Variants in PTPRA observed in about 807,000 individuals in gnomAD.
The protein encoded by PTPRA is receptor-type tyrosine-protein phosphatase alpha.
In PTPRA, 25 loss-of-function variants were observed where a neutral mutation model predicts 104.8. The observed-to-expected ratio is 0.24, with a 90% confidence interval of 0.17 to 0.33. The LOEUF is 0.33. PTPRA is among the 10% of genes least tolerant of loss of function. The pLI, the probability that PTPRA is intolerant of heterozygous loss-of-function variation, is 1.00. For synonymous variants in PTPRA, 323 were observed against 368.9 expected, an observed-to-expected ratio of 0.88 and a Z score of 1.43; for missense variants, 765 against 1,015.3, an observed-to-expected ratio of 0.75 and a Z score of 3.35.
chr20:2,953,400 C>T (rs529935033), intron 3 of PTPRA, among the ~76,000 whole-genome samples: 5 of 151,746 alleles, frequency 3.3e-5, no homozygotes, highest in Non-Finnish European at 5.9e-5. Context: ...ACTACAGGCG[C>T]GCGTTACCAC....
intron 3 of PTPRA, among the ~76,000 whole-genome samples, chr20:2,952,537 TA>T (rs920130290): frequency 1.3e-5 from 2 of 152,052 alleles, no homozygotes; most frequent in Non-Finnish European, 2.9e-5. Flanking sequence ...TCATGTCTTT[TA>T]AAAAAAATTG....
At chr20:3,003,279 G>A (rs1301678495) in intron 9 of PTPRA, among the ~76,000 whole-genome samples, 1 of 152,124 alleles carries the variant, frequency 6.6e-6, no homozygotes, top group Non-Finnish European at 1.5e-5. Flanking sequence ...ATATATATTT[G>A]TTGAAAGAAT....
Position 2,974,488 on chromosome 20 carries a change from A to G in PTPRA, c.416-727A>G, listed in dbSNP as rs376666386. On this transcript the variant is annotated intron_variant, in intron 5 of 23. Coordinates refer to ENST00000399903, the MANE Select transcript of PTPRA (RefSeq NM_001385305.1). The stretch of plus-strand genomic sequence containing the variant: ...GTTACCTAGGCTGGAGTACAGTGGC[A>G]TGATCTCGGCTCACTGCAACCTCCC... Among the ~76,000 whole-genome samples, 24 of 151,320 alleles carry G rather than the reference A, an allele frequency of 1.6e-4. No homozygotes were observed. The East Asian group carries it at 1.8e-3, about 11-fold the overall frequency.
chr20:3,027,168 A>G lies in PTPRA; in HGVS notation c.1756A>G (p.Thr586Ala). The change falls in exon 19 of 24, where the codon ACA becomes GCA. Residue 586 changes from threonine to alanine, a missense_variant. Transcript: ENST00000399903. Reference protein sequence around the residue: ...IIPVKRGEENTDYVNASFIDG... With the variant: ...IIPVKRGEENADYVNASFIDG... ...TCCAGTTAAGCGGGGCGAAGAGAAT[A>G]CAGACTATGTGAACGCATCCTTTAT... 6.2e-7 allele frequency: 1 copy of G among 1,614,196 alleles called. No individual in the cohort carries two copies. Among genetic ancestry groups the G allele is most frequent in the Non-Finnish European group, 8.5e-7 (1 of 1,180,012 alleles).
chr20:2,929,612 C>T (rs1568657723), intron 2 of PTPRA, among the ~76,000 whole-genome samples: 1 of 152,056 alleles, frequency 6.6e-6, no homozygotes, highest in Non-Finnish European at 1.5e-5. Context: ...ATTGCTTGAG[C>T]TCAGGAGTTT....
chr20:2,959,166 C>T (rs1278012055), intron 3 of PTPRA, among the ~76,000 whole-genome samples: 1 of 152,150 alleles, frequency 6.6e-6, no homozygotes, highest in East Asian at 1.9e-4. Context: ...TTCTTAACTT[C>T]TGATGTGTCT....
chr20:3,007,453 T>G, intron 11 of PTPRA, 33 bp downstream of exon 11: 1 of 1,582,530 alleles, frequency 6.3e-7, no homozygotes, highest in South Asian at 1.1e-5. Flanking sequence ...GTCACTTCCC[T>G]GCCTGACCAT....
intron 2 of PTPRA, among the ~76,000 whole-genome samples, chr20:2,947,656 G>A (rs899023833): frequency 5.3e-5 from 8 of 152,188 alleles, no homozygotes; most frequent in African/African-American, 1.2e-4. Context: ...GGACTCTTTC[G>A]TAGAGTGCAC....
intron 13 of PTPRA, 137 bp downstream of exon 13, chr20:3,018,050 C>T (rs748191937): frequency 1.5e-5 from 11 of 733,824 alleles, no homozygotes; most frequent in Non-Finnish European, 2.3e-5. Context: ...GTCTATCAGA[C>T]TTTGCTATGG....
intron 2 of PTPRA, among the ~76,000 whole-genome samples, chr20:2,935,942 C>G (rs1340870064): frequency 1.3e-5 from 2 of 151,978 alleles, no homozygotes; most frequent in Admixed American, 6.6e-5. Context: ...TCACTTGAAC[C>G]CGGGAGGCAG....
At chr20:2,912,587 G>T (rs980829504) in intron 1 of PTPRA, among the ~76,000 whole-genome samples, 2 of 152,184 alleles carry the variant, frequency 1.3e-5, no homozygotes, top group Non-Finnish European at 2.9e-5. Flanking sequence ...TCGCACCTCT[G>T]CACTCCAGCC....
At chr20:2,895,508 T>C (rs1363957439) in intron 1 of PTPRA, among the ~76,000 whole-genome samples, 1 of 152,128 alleles carries the variant, frequency 6.6e-6, no homozygotes. Flanking sequence ...TATTGATAAC[T>C]GTATTTTATT....
At chr20:2,915,127 G>C (rs2059855262) in intron 1 of PTPRA, among the ~76,000 whole-genome samples, 1 of 151,592 alleles carries the variant, frequency 6.6e-6, no homozygotes, top group African/African-American at 2.4e-5. Context: ...TTGCAGGCTG[G>C]AATACAGTGG....
intron 1 of PTPRA, among the ~76,000 whole-genome samples, chr20:2,882,277 T>A (rs1469459202): frequency 1.3e-5 from 2 of 150,762 alleles, no homozygotes; most frequent in East Asian, 3.9e-4. Context: ...ACTCTTTTTT[T>A]TCTTTTCTTT....
intron 11 of PTPRA, among the ~76,000 whole-genome samples, chr20:3,009,016 G>A (rs2064021953): frequency 1.3e-5 from 2 of 152,184 alleles, no homozygotes; most frequent in Non-Finnish European, 1.5e-5. Context: ...ACATAAGAAG[G>A]GCTGTTTCTT....
At chr20:2,932,960 GA>G (rs1198111243) in intron 2 of PTPRA, among the ~76,000 whole-genome samples, 1 of 151,508 alleles carries the variant, frequency 6.6e-6, no homozygotes, top group Non-Finnish European at 1.5e-5. Flanking sequence ...TTAATCTTGG[GA>G]AAAAAAAGTA....
chr20:3,000,313 G>A (rs574066163), intron 9 of PTPRA, among the ~76,000 whole-genome samples: 3 of 152,132 alleles, frequency 2.0e-5, no homozygotes, highest in East Asian at 1.9e-4. Flanking sequence ...GTAGGACAAC[G>A]GGGAAACCAC....
chr20:2,916,959 C>T (rs567031272), intron 1 of PTPRA, among the ~76,000 whole-genome samples: 31 of 131,508 alleles, frequency 2.4e-4, no homozygotes, highest in East Asian at 1.1e-3. Context: ...TTTTTTATTT[C>T]TTTTTTTTTT....
intron 2 of PTPRA, among the ~76,000 whole-genome samples, chr20:2,938,270 C>T (rs1213638756): frequency 1.3e-5 from 2 of 152,100 alleles, no homozygotes; most frequent in Admixed American, 6.6e-5. Context: ...CTACAACCTC[C>T]GCCTCCTGGG....
Sources: gnomAD v4.1 joint callset for allele counts (sites outside exome capture counted in the v4.1 genomes callset) on GRCh38, gnomAD v4.1.1 for gene constraint, MANE v1.5 for transcripts, NCBI Gene and HGNC (gene_info 2026-07-23, HGNC 2026-07-21) for gene names.